The following CRAMP1 variants were observed in gnomAD, a reference collection of about 807,000 sequenced individuals.
CRAMP1 encodes cramped chromatin regulator 1.
In CRAMP1, 50 loss-of-function variants were observed where a neutral mutation model predicts 115.4. The observed-to-expected ratio is 0.43, with a 90% confidence interval of 0.35 to 0.55. The LOEUF (loss-of-function observed/expected upper bound fraction) is 0.55, where lower values mean the gene tolerates loss of function less well. CRAMP1 is among the 20% of genes least tolerant of loss of function. CRAMP1 has a pLI of 0.01. For missense variants in CRAMP1, 1,679 were observed against 1,721.7 expected, an observed-to-expected ratio of 0.98 and a Z score of 0.44; for synonymous variants, 866 against 745.4, an observed-to-expected ratio of 1.16 and a Z score of -2.64.
chr16:1,656,555 C>G lies in CRAMP1; in HGVS notation c.1798C>G (p.Leu600Val). 6.4e-7 allele frequency: 1 copy of G among 1,556,750 alleles called. No individual in the cohort carries two copies. Among genetic ancestry groups the G allele is most frequent in the Non-Finnish European group, 8.7e-7 (1 of 1,150,590 alleles). ...GGGCGGGGCGGCCTCCCCAGAGGTG[C>G]TGGCTCCTGTCAGCAAGGAGGCTGC... ...PLGGAASPEVLAPVSKEAADL... is the reference protein window; with the variant it reads ...PLGGAASPEVVAPVSKEAADL... The change falls in exon 10 of 21, where the codon CTG becomes GTG. Residue 600 changes from leucine to valine, a missense_variant. This residue lies in a region of CRAMP1 where 405 missense variants were observed against 302.6 expected (regional missense o/e 1.34). Coordinates refer to ENST00000397412, the MANE Select transcript of CRAMP1 (RefSeq NM_020825.4). This position sits in a 1 kb window ranked among gnomAD's most constrained non-coding sequence, Gnocchi z 5.6.
intron 2 of CRAMP1, among the ~76,000 whole-genome samples, chr16:1,617,421 G>A (rs2036430208): frequency 6.6e-6 from 1 of 152,222 alleles, no homozygotes; most frequent in Non-Finnish European, 1.5e-5. Flanking sequence ...CAGTTGCCCC[G>A]CAACAGTCTT....
intron 13 of CRAMP1, among the ~76,000 whole-genome samples, chr16:1,663,724 A>T (rs1440625499): frequency 1.3e-5 from 2 of 152,226 alleles, no homozygotes; most frequent in East Asian, 3.9e-4. Flanking sequence ...CTATGAACTC[A>T]CGTTGCCTTC....
Position 1,672,292 on chromosome 16 carries a change from G to A in CRAMP1, c.3645+1483G>A, listed in dbSNP as rs769932995. 6.6e-6 allele frequency among the ~76,000 whole-genome samples: 1 copy of A among 152,224 alleles called. No homozygotes were observed. Among genetic ancestry groups the A allele is most frequent in the African/African-American group, 2.4e-5 (1 of 41,440 alleles). On this transcript the variant is annotated intron_variant, in intron 20 of 20. Coordinates refer to ENST00000397412, the MANE Select transcript of CRAMP1 (RefSeq NM_020825.4). The surrounding 1 kb of genome is among the most constrained non-coding windows in gnomAD (Gnocchi z 4.9). ...ATTTGTGAAACGCTGCCCGTCGCGA[G>A]TAATGCAAACGTGTTCACCTTCAGA...
At chr16:1,615,084 C>G in intron 2 of CRAMP1, 99 bp downstream of exon 2, 1 of 683,900 alleles carries the variant, frequency 1.5e-6, no homozygotes, top group Non-Finnish European at 2.0e-6. Context: ...CCCTAGCTCA[C>G]CCATCCCGCG....
chr16:1,612,751 C>T (rs2036367025), intron 1 of CRAMP1, among the ~76,000 whole-genome samples, 94 bp downstream of exon 1: 1 of 152,120 alleles, frequency 6.6e-6, no homozygotes, highest in Non-Finnish European at 1.5e-5. Flanking sequence ...GCGTCGCTTC[C>T]ACAGCGCCCG....
Position 1,653,034 on chromosome 16 carries a change from C to G in CRAMP1, c.915C>G (p.Gly305=). 1 of 1,613,426 alleles carries G rather than the reference C, an allele frequency of 6.2e-7. No homozygotes were observed. The highest frequency in any genetic ancestry group is 8.5e-7 in the Non-Finnish European group (1 of 1,179,708). The change falls in exon 8 of 21, where the codon GGC becomes GGG. Residue 305 remains glycine (G), a splice_region_variant and synonymous_variant. Transcript: ENST00000397412. ...RALKKLCDPD[G]LSDEEDQKPV... ...TTTCATGGTTCTTCTGCATTGCAGG[C>G]TTGAGTGATGAAGAGGACCAGAAGC...
At chr16:1,628,101 T>C (rs553568494) in intron 3 of CRAMP1, among the ~76,000 whole-genome samples, 37 of 152,318 alleles carry the variant, frequency 2.4e-4, no homozygotes, top group African/African-American at 7.0e-4. Flanking sequence ...CATTAGAGTT[T>C]TTCTATCGGG....
intron 10 of CRAMP1, among the ~76,000 whole-genome samples, chr16:1,659,359 CA>C (rs1470411118): frequency 2.0e-5 from 3 of 151,982 alleles, no homozygotes; most frequent in African/African-American, 7.3e-5. Context: ...CTTACCTGAC[CA>C]GTGACTTTTA....
intron 5 of CRAMP1, among the ~76,000 whole-genome samples, chr16:1,638,808 C>T (rs890808626): frequency 2.6e-5 from 4 of 151,976 alleles, no homozygotes; most frequent in Non-Finnish European, 5.9e-5. Context: ...CACTCTGTCC[C>T]CTTGCTGCCC....
chr16:1,614,206 C>A lies in CRAMP1; in HGVS notation c.-1-433C>A, dbSNP rs2142164255. Among the ~76,000 whole-genome samples, 1 of 147,758 alleles carries A rather than the reference C, an allele frequency of 6.8e-6. No individual in the cohort carries two copies. The highest frequency in any genetic ancestry group is 2.4e-5 in the African/African-American group (1 of 40,952). On this transcript the variant is annotated intron_variant, in intron 1 of 20. Coordinates refer to ENST00000397412, the MANE Select transcript of CRAMP1 (RefSeq NM_020825.4). The surrounding 1 kb of genome is among the most constrained non-coding windows in gnomAD (Gnocchi z 4.4). ...AGGGAGCGAGGCCGGCGCGCAGGGCCAGGCCATGAGCCGCGGCCCCGCCGG... is the reference window on the plus strand; with the variant it reads ...AGGGAGCGAGGCCGGCGCGCAGGGCAAGGCCATGAGCCGCGGCCCCGCCGG...
intron 6 of CRAMP1, among the ~76,000 whole-genome samples, chr16:1,645,212 A>T (rs2036663924): frequency 6.6e-6 from 1 of 151,594 alleles, no homozygotes; most frequent in Non-Finnish European, 1.5e-5. Flanking sequence ...TTTGAGATGG[A>T]GTCTTGCTCT....
intron 2 of CRAMP1, 135 bp downstream of exon 2, chr16:1,615,120 G>A (rs1170602788): frequency 2.3e-6 from 1 of 443,502 alleles, no homozygotes; most frequent in African/African-American, 2.0e-5. Context: ...CTCAATTTGG[G>A]TGGCACTTAT....
intron 2 of CRAMP1, chr16:1,620,754 C>T (rs1479452540): frequency 2.2e-6 from 1 of 451,528 alleles, no homozygotes; most frequent in Non-Finnish European, 4.5e-6. Context: ...TGGTTTCCCC[C>T]ACCACGACCC....
chr16:1,654,852 C>G (rs1298077951), intron 8 of CRAMP1, among the ~76,000 whole-genome samples: 1 of 152,262 alleles, frequency 6.6e-6, no homozygotes, highest in East Asian at 1.9e-4. Context: ...ATGTACTTCT[C>G]CCTCAGAATG....
At chr16:1,637,234 C>T (rs866877701) in intron 4 of CRAMP1, among the ~76,000 whole-genome samples, 12 of 151,034 alleles carry the variant, frequency 7.9e-5, no homozygotes, top group African/African-American at 1.7e-4. Flanking sequence ...GCAGAGGTTG[C>T]GGTGAGCCGA....
chr16:1,667,718 C>G (rs2036888179), intron 17 of CRAMP1, among the ~76,000 whole-genome samples: 1 of 152,210 alleles, frequency 6.6e-6, no homozygotes. Flanking sequence ...CCCCCACTCT[C>G]TTTCTGGCAG....
Position 1,668,113 on chromosome 16 carries a change from A to T in CRAMP1, c.3254A>T (p.Glu1085Val). 1 of 1,613,508 alleles carries T rather than the reference A, an allele frequency of 6.2e-7. No homozygotes were observed. The highest frequency in any genetic ancestry group is 1.7e-5 in the Admixed American group (1 of 60,014). ...GACATCTCCCTGCCCGGCCCACCTG[A>T]GGATGCGCTGTCACAGGGCGAGCCT... ...LLDISLPGPP[E>V]DALSQGEPAT... is the part of the protein sequence containing the mutation. The change falls in exon 18 of 21, where the codon GAG (glutamate) becomes GTG (valine). Residue 1085 changes from glutamate to valine, a missense_variant. Transcript: ENST00000397412.
intron 10 of CRAMP1, among the ~76,000 whole-genome samples, chr16:1,657,211 C>G (rs1319542005): frequency 6.6e-6 from 1 of 152,234 alleles, no homozygotes; most frequent in Non-Finnish European, 1.5e-5. Context: ...AGACTACTTT[C>G]CTCTCCCTCG....
intron 4 of CRAMP1, among the ~76,000 whole-genome samples, chr16:1,634,686 T>C (rs895777046): frequency 6.6e-5 from 10 of 152,200 alleles, no homozygotes; most frequent in African/African-American, 2.4e-4. Context: ...CCGGGTTCTC[T>C]GATGGCCCTG....
Sources: allele counts gnomAD v4.1 joint callset (sites outside exome capture counted in the v4.1 genomes callset), GRCh38; gene constraint gnomAD v4.1.1; regional missense constraint gnomAD v4.1.1; non-coding constraint Gnocchi (gnomAD v3.1); transcripts MANE v1.5; gene names NCBI Gene and HGNC (gene_info 2026-07-23, HGNC 2026-07-21).